The following GABRB1 variants were observed in gnomAD, a reference collection of about 807,000 sequenced individuals.
The protein encoded by GABRB1 is gamma-aminobutyric acid receptor subunit beta-1.
GABRB1 carries 17 observed loss-of-function variants against 51.6 expected under a neutral mutation model. The observed-to-expected ratio is 0.33, with a 90% CI of 0.23 to 0.49. The LOEUF (loss-of-function observed/expected upper bound fraction) is 0.49. Among genes scored for constraint, GABRB1 ranks in the 20% least tolerant of loss-of-function variants. GABRB1 has a pLI of 0.99. For missense variants in GABRB1, 410 were observed against 600.6 expected, an observed-to-expected ratio of 0.68 and a Z score of 3.32; for synonymous variants, 247 against 218.9, an observed-to-expected ratio of 1.13 and a Z score of -1.14.
At chr4:47,078,295 A>T (rs576758266) in intron 3 of GABRB1, among the ~76,000 whole-genome samples, 1 of 152,042 alleles carries the variant, frequency 6.6e-6, no homozygotes, top group East Asian at 1.9e-4. Flanking sequence ...TATAATTAGA[A>T]ATATTTATCA....
chr4:47,416,351 T>A (rs1728915887), intron 8 of GABRB1, among the ~76,000 whole-genome samples: 1 of 152,166 alleles, frequency 6.6e-6, no homozygotes, highest in Admixed American at 6.5e-5. Context: ...TGGTGCTTTT[T>A]GGACTAGAAT....
chr4:47,181,824 G>A (rs1053756125), intron 4 of GABRB1, among the ~76,000 whole-genome samples: 19 of 152,032 alleles, frequency 1.2e-4, no homozygotes, highest in Admixed American at 1.3e-4. Flanking sequence ...TTCCCCGGGA[G>A]AATTTTCCTG....
intron 3 of GABRB1, among the ~76,000 whole-genome samples, chr4:47,050,867 G>T (rs533260736): frequency 1.3e-5 from 2 of 152,078 alleles, no homozygotes; most frequent in Admixed American, 6.6e-5. Flanking sequence ...TTTTCCATAT[G>T]GTTCCTTAAT....
At chr4:47,370,243 C>A (rs900960750) in intron 5 of GABRB1, among the ~76,000 whole-genome samples, 4 of 152,164 alleles carry the variant, frequency 2.6e-5, no homozygotes, top group African/African-American at 9.7e-5. Flanking sequence ...AATCTCAGCA[C>A]GTTGGGTGGC....
chr4:47,025,632 A>T (rs1299934713), intron 1 of GABRB1, among the ~76,000 whole-genome samples: 2 of 152,026 alleles, frequency 1.3e-5, no homozygotes, highest in African/African-American at 2.4e-5. Context: ...CAACAAAATA[A>T]AAATGACAGA....
intron 5 of GABRB1, among the ~76,000 whole-genome samples, chr4:47,327,369 A>G (rs1488947645): frequency 6.6e-6 from 1 of 151,158 alleles, no homozygotes; most frequent in Non-Finnish European, 1.5e-5. Flanking sequence ...AAAGAAAAAA[A>G]GAAAAAAAAA....
At chr4:47,014,496 G>A (rs1724681375) in intron 1 of GABRB1, among the ~76,000 whole-genome samples, 1 of 151,680 alleles carries the variant, frequency 6.6e-6, no homozygotes, top group South Asian at 2.1e-4. Flanking sequence ...CAATATTTCT[G>A]ATCACCAAAA....
At chr4:47,307,416 A>G (rs1724511351) in intron 4 of GABRB1, among the ~76,000 whole-genome samples, 1 of 152,060 alleles carries the variant, frequency 6.6e-6, no homozygotes, top group African/African-American at 2.4e-5. Context: ...TCAATTATTA[A>G]CTTGAAAATA....
chr4:46,995,059 T>C (rs1339046611), intron 1 of GABRB1, among the ~76,000 whole-genome samples: 1 of 152,206 alleles, frequency 6.6e-6, no homozygotes, highest in Non-Finnish European at 1.5e-5. Flanking sequence ...ATCTCTATCA[T>C]TCTTTTCTCA....
intron 4 of GABRB1, among the ~76,000 whole-genome samples, chr4:47,292,147 T>C (rs1723767898): frequency 6.6e-6 from 1 of 152,164 alleles, no homozygotes; most frequent in Non-Finnish European, 1.5e-5. Context: ...GCTGTTCTTG[T>C]GGTAGTGAGT....
rs180708685 is a variant in GABRB1, at chr4:47,417,989, G to A, written c.1081-7685G>A. ...CTCATTGAGAATGTTGGGGCAGAGA[G>A]GAGATAGTGAGTGAGATGGAAGGGG... On this transcript the variant is annotated intron_variant, in intron 8 of 8. Coordinates refer to ENST00000295454, the MANE Select transcript of GABRB1 (RefSeq NM_000812.4). Among the ~76,000 whole-genome samples, 333 of 152,340 alleles carry A rather than the reference G, an allele frequency of 2.2e-3. 5 individuals carry two copies. The highest frequency in any genetic ancestry group is 2.5e-3 in the Non-Finnish European group (171 of 68,024).
Position 47,252,474 on chromosome 4 carries a change from T to C in GABRB1, c.462-67653T>C, listed in dbSNP as rs995022501. ...GTCAATCTGGAGCTAAAGTTCACAA[T>C]TGACTATCTAAGAAACCATTAATAG... On this transcript the variant is annotated intron_variant, in intron 4 of 8. Coordinates refer to ENST00000295454, the MANE Select transcript of GABRB1 (RefSeq NM_000812.4). Among the ~76,000 whole-genome samples the C allele has an allele frequency of 7.3e-5, 11 of 151,432 alleles. 1 individual carries two copies. The highest frequency in any genetic ancestry group is 1.9e-4 in the African/African-American group (8 of 41,210).
intron 3 of GABRB1, among the ~76,000 whole-genome samples, chr4:47,091,190 A>G (rs1437190770): frequency 6.6e-6 from 1 of 152,162 alleles, no homozygotes; most frequent in Non-Finnish European, 1.5e-5. Flanking sequence ...ACAGCCCTCC[A>G]CAACAAGTAA....
intron 4 of GABRB1, among the ~76,000 whole-genome samples, chr4:47,207,963 C>T (rs6845165): frequency 0.99 from 149,904 of 152,134 alleles, 73,882 homozygotes; most frequent in East Asian, 1. Flanking sequence ...TAACTCCTGG[C>T]ATGTAAATCC....
chr4:47,333,759 A>G (rs1161483972), intron 5 of GABRB1, among the ~76,000 whole-genome samples: 3 of 152,174 alleles, frequency 2.0e-5, no homozygotes, highest in Non-Finnish European at 4.4e-5. Context: ...ACAGAAATGA[A>G]GCACAGTCTA....
chr4:47,140,204 TGA>T (rs1716871619), intron 3 of GABRB1, among the ~76,000 whole-genome samples: 1 of 151,284 alleles, frequency 6.6e-6, no homozygotes, highest in Non-Finnish European at 1.5e-5. Context: ...GTGAACACTG[TGA>T]GATATAATGT....
intron 4 of GABRB1, among the ~76,000 whole-genome samples, chr4:47,220,854 T>G (rs1382494189): frequency 6.6e-6 from 1 of 152,008 alleles, no homozygotes; most frequent in African/African-American, 2.4e-5. Flanking sequence ...TTCTCTCCAA[T>G]TGAATCTAAC....
At chr4:47,338,585 C>G (rs918739699) in intron 5 of GABRB1, among the ~76,000 whole-genome samples, 3 of 152,168 alleles carry the variant, frequency 2.0e-5, no homozygotes, top group Non-Finnish European at 2.9e-5. Flanking sequence ...TCTGAAGACA[C>G]GTATTTCTCC....
chr4:47,380,604 T>G (rs996914782), intron 5 of GABRB1, among the ~76,000 whole-genome samples: 2 of 152,234 alleles, frequency 1.3e-5, no homozygotes, highest in African/African-American at 4.8e-5. Flanking sequence ...ATCCGTCTAT[T>G]CAACTGAAAA....
Sources: allele counts gnomAD v4.1 joint callset (sites outside exome capture counted in the v4.1 genomes callset), GRCh38; gene constraint gnomAD v4.1.1; transcripts MANE v1.5; gene names NCBI Gene and HGNC (gene_info 2026-07-23, HGNC 2026-07-21).